Variants in RAB40C observed in about 807,000 individuals in gnomAD.
The protein encoded by RAB40C is ras-related protein Rab-40C.
In RAB40C, 8 loss-of-function variants were observed where a neutral mutation model predicts 28.1. The observed-to-expected ratio is 0.28, with a 90% CI of 0.17 to 0.51. The LOEUF is 0.51. RAB40C is among the 20% of genes least tolerant of loss of function. RAB40C has a pLI of 0.97. For missense variants in RAB40C, 288 were observed against 405.9 expected (o/e 0.71, Z 2.50); for synonymous variants, 201 against 171.7 (o/e 1.17, Z -1.34).
In RAB40C at chr16:624,031, T is replaced by G. The variant is rs1044899272; in HGVS notation, c.265-1401T>G. 4.1e-6 allele frequency: 4 copies of G among 985,342 alleles called. No homozygotes were observed. The African/African-American group carries it at 7.0e-5, about 17-fold the overall frequency. The allele number at this position is 985,342 out of a possible 1,614,324, so 61.0% of individuals were successfully genotyped here. A position where few individuals can be genotyped will look rare whatever the true frequency, so the allele number is the denominator to read the frequency against. ...CTTGGCCAGCATGCACGCTTTTACA[T>G]GCACTGCTGCTGTCTTCAGCATCTG... is the stretch of plus-strand genomic sequence containing the variant. On this transcript the variant is annotated intron_variant, in intron 3 of 5. Transcript: ENST00000248139.
intron 1 of RAB40C, among the ~76,000 whole-genome samples, chr16:592,612 G>T (rs2151057170): frequency 6.6e-6 from 1 of 152,382 alleles, no homozygotes; most frequent in Non-Finnish European, 1.5e-5. Context: ...CGGCCAAGTT[G>T]ATTGTGAAGG....
intron 1 of RAB40C, among the ~76,000 whole-genome samples, chr16:595,956 A>C (rs1418399243): frequency 6.6e-6 from 1 of 152,236 alleles, no homozygotes; most frequent in Non-Finnish European, 1.5e-5. Flanking sequence ...AATTTTCAGG[A>C]AACTGTTGAG....
At position 610,281 on chromosome 16, in the gene RAB40C, C is replaced by T. The variant is rs957716640; in HGVS notation, c.143-6927C>T. Among the ~76,000 whole-genome samples the T allele has an allele frequency of 1.3e-5, 2 of 152,120 alleles. No individual in the cohort carries two copies. Among genetic ancestry groups the T allele is most frequent in the Non-Finnish European group, 2.9e-5 (2 of 68,008 alleles). ...CTCTGACCAGGACAGTGCCGTGTGT[C>T]TCATGGGGTTGTGTTCAGGTCGGCT... On this transcript the variant is annotated intron_variant, in intron 1 of 5. Coordinates refer to ENST00000248139, the MANE Select transcript of RAB40C (RefSeq NM_021168.5). The surrounding 1 kb of genome is among the most constrained non-coding windows in gnomAD (Gnocchi z 4.6).
chr16:625,913 C>T lies in RAB40C; in HGVS notation c.357C>T (p.Val119=). The T allele has an allele frequency of 6.2e-7, 1 of 1,612,730 alleles. No individual in the cohort carries two copies. The highest frequency in any genetic ancestry group is 8.5e-7 in the Non-Finnish European group (1 of 1,179,762). ...IKEIDEHAPG[V]PRILVGNRLH... Reference sequence around the variant, plus strand: ...TGTGCCCCCAGCATGCACCCGGAGTCCCCCGGATCTTGGTTGGAAACCGGC... The same window carrying T: ...TGTGCCCCCAGCATGCACCCGGAGTTCCCCGGATCTTGGTTGGAAACCGGC... The change falls in exon 5 of 6, where the codon GTC becomes GTT. Residue 119 remains valine (V), a synonymous_variant. Transcript: ENST00000248139.
intron 3 of RAB40C, among the ~76,000 whole-genome samples, chr16:622,352 C>T (rs941466402): frequency 1.3e-5 from 2 of 152,208 alleles, no homozygotes; most frequent in African/African-American, 2.4e-5. Flanking sequence ...GGAGCAGCGC[C>T]AAGTGCCTCC....
rs1567181389 is a variant in RAB40C at position 590,256 on chromosome 16, G to A, written c.-36G>A. 7 of 1,419,334 alleles carry A rather than the reference G, an allele frequency of 4.9e-6. No homozygotes were observed. The highest frequency in any genetic ancestry group is 4.5e-5 in the African/African-American group (3 of 66,594). 87.9% of individuals were successfully genotyped at this position (1,419,334 alleles called of 1,614,324 possible). On this transcript the variant is annotated 5_prime_UTR_variant, in exon 1 of 6. Transcript: ENST00000248139. ...CCGCGGCCTCACCCGGCGGTGCTTC[G>A]GCAGGCGGCCGGCGCGGGGCGCAGG...
chr16:625,173 A>G, intron 3 of RAB40C: 1 of 1,386,000 alleles, frequency 7.2e-7, no homozygotes, highest in Non-Finnish European at 9.5e-7. Flanking sequence ...TGATGGCTCC[A>G]GGGGAGGGAG....
intron 3 of RAB40C, among the ~76,000 whole-genome samples, chr16:621,599 A>T (rs1203136493): frequency 1.3e-5 from 2 of 152,174 alleles, no homozygotes; most frequent in Admixed American, 1.3e-4. Context: ...GTGTTTGCAT[A>T]TTCTGTTGCT....
intron 1 of RAB40C, among the ~76,000 whole-genome samples, chr16:602,586 G>A (rs1033907386): frequency 2.0e-5 from 3 of 151,896 alleles, no homozygotes; most frequent in African/African-American, 4.8e-5. Context: ...CTGCCACCAC[G>A]CCCGGCTAGT....
At chr16:611,212 G>A (rs904927207) in intron 1 of RAB40C, among the ~76,000 whole-genome samples, 2 of 152,140 alleles carry the variant, frequency 1.3e-5, no homozygotes, top group African/African-American at 2.4e-5. Flanking sequence ...GGCTTTTCCC[G>A]GCATCCCCGT....
At position 618,277 on chromosome 16, in the gene RAB40C, T is replaced by A; in HGVS notation, c.264+17T>A. The A allele has an allele frequency of 1.9e-6, 3 of 1,598,446 alleles. No individual in the cohort carries two copies. The highest frequency in any genetic ancestry group is 2.6e-6 in the Non-Finnish European group (3 of 1,173,542). ...GGCGCTCAGGTAAGACCAGCACCGC[T>A]CTTTCCATTGCTTTTCAAAGGATGT... On this transcript the variant is annotated intron_variant, in intron 3 of 5. Transcript: ENST00000248139.
At chr16:607,485 G>A (rs1473075193) in intron 1 of RAB40C, among the ~76,000 whole-genome samples, 1 of 143,366 alleles carries the variant, frequency 7.0e-6, no homozygotes, top group African/African-American at 2.6e-5. Flanking sequence ...CCTGGACAAC[G>A]AGAGTGAAAC....
intron 1 of RAB40C, among the ~76,000 whole-genome samples, chr16:597,548 A>G (rs2036154737): frequency 1.3e-5 from 2 of 150,490 alleles, no homozygotes; most frequent in Admixed American, 1.3e-4. Flanking sequence ...CGATGGCACT[A>G]TCTTGGCTCG....
At chr16:603,852 A>T (rs1010888563) in intron 1 of RAB40C, among the ~76,000 whole-genome samples, 1 of 152,014 alleles carries the variant, frequency 6.6e-6, no homozygotes, top group Non-Finnish European at 1.5e-5. Flanking sequence ...TACGAAGCAG[A>T]CCCTGGTTTC....
chr16:605,657 G>T (rs932067211), intron 1 of RAB40C, among the ~76,000 whole-genome samples: 1 of 152,210 alleles, frequency 6.6e-6, no homozygotes, highest in Admixed American at 6.5e-5. Flanking sequence ...GCGCCGAGTG[G>T]TCTCCCGTGT....
intron 1 of RAB40C, among the ~76,000 whole-genome samples, chr16:602,595 GT>G (rs1319509676): frequency 6.6e-6 from 1 of 151,916 alleles, no homozygotes; most frequent in Admixed American, 6.6e-5. Context: ...CGCCCGGCTA[GT>G]TTTTTGGTAT....
chr16:627,507 C>T lies in RAB40C; in HGVS notation c.731C>T (p.Ala244Val), dbSNP rs2036864100. ...VMMHGRSYSL[A>V]SGAGGGGSKG... The stretch of plus-strand genomic sequence containing the variant: ...ATGCACGGCCGTTCCTACTCCCTGG[C>T]CAGCGGGGCCGGGGGCGGCGGCAGC... The change falls in exon 6 of 6, where the codon GCC becomes GTC. Residue 244 changes from alanine to valine, a missense_variant. Around this residue, in one of 3 missense-constraint regions of RAB40C, gnomAD observed 57 missense variants for 55.3 expected, o/e 1.03. Coordinates refer to ENST00000248139, the MANE Select transcript of RAB40C (RefSeq NM_021168.5). 6.2e-7 allele frequency: 1 copy of T among 1,613,860 alleles called. No homozygotes were observed. Among genetic ancestry groups the T allele is most frequent in the South Asian group, 1.1e-5 (1 of 91,086 alleles).
intron 3 of RAB40C, chr16:624,214 G>C (rs2036779818): frequency 1.0e-6 from 1 of 985,308 alleles, no homozygotes; most frequent in African/African-American, 1.7e-5. Flanking sequence ...GCGGGAGGTT[G>C]CCACTAGGGA....
intron 3 of RAB40C, among the ~76,000 whole-genome samples, chr16:621,404 C>T (rs1244263886): frequency 2.6e-5 from 4 of 152,052 alleles, no homozygotes; most frequent in African/African-American, 9.7e-5. Context: ...TGTCACTCTG[C>T]CTCCCTCCGT....
Sources: gnomAD v4.1 joint callset for allele counts (sites outside exome capture counted in the v4.1 genomes callset) on GRCh38, gnomAD v4.1.1 for gene constraint, gnomAD v4.1.1 regional missense constraint, Gnocchi (gnomAD v3.1) non-coding constraint, MANE v1.5 for transcripts, NCBI Gene and HGNC (gene_info 2026-07-23, HGNC 2026-07-21) for gene names.